Variants in CERK observed in about 807,000 individuals in gnomAD.
CERK encodes the protein ceramide kinase.
A neutral mutation model predicts 63.4 loss-of-function variants in CERK; 39 were observed. That is an observed-to-expected ratio of 0.61 (90% CI 0.48 to 0.80). CERK has a LOEUF of 0.80. Ranked by LOEUF, CERK falls within the 30% of genes least tolerant of loss-of-function variation. CERK has a pLI of 0.00. For synonymous variants in CERK, 302 were observed against 280.0 expected (o/e 1.08, Z -0.78); for missense variants, 670 against 714.1 (o/e 0.94, Z 0.70).
At chr22:46,711,705 G>A (rs2082841922) in intron 4 of CERK, among the ~76,000 whole-genome samples, 1 of 152,112 alleles carries the variant, frequency 6.6e-6, no homozygotes, top group African/African-American at 2.4e-5. Context: ...CTGAGAATTG[G>A]CTGGAAAATA....
At position 46,690,191 on chromosome 22, in the gene CERK, T is replaced by G. The variant is rs746502031; in HGVS notation, c.1342A>C (p.Thr448Pro). 2 of 1,613,566 alleles carry G rather than the reference T, an allele frequency of 1.2e-6. No homozygotes were observed. Among genetic ancestry groups the G allele is most frequent in the Admixed American group, 3.3e-5 (2 of 59,982 alleles). ...TTGACGCGATAAACTTCAACAAAAG[T>G]GAAGTCAAACTACCAAGAAACAGTG... ...HTNQQDQFDF[T>P]FVEVYRVKKF... Residue 448 changes from threonine (T) to proline (P), a missense_variant, in exon 12 of 13, where the codon ACT (threonine) becomes CCT (proline). Thr to Pro is a conservative substitution (Grantham distance 38). Coordinates refer to ENST00000216264, the MANE Select transcript of CERK (RefSeq NM_022766.6).
At chr22:46,730,335 T>C (rs1412286810) in intron 1 of CERK, among the ~76,000 whole-genome samples, 1 of 151,304 alleles carries the variant, frequency 6.6e-6, no homozygotes, top group Non-Finnish European at 1.5e-5. Flanking sequence ...GCACGAGAAC[T>C]GCTTGAACCC....
At chr22:46,691,071 A>ACG (rs2082729164) in intron 11 of CERK, among the ~76,000 whole-genome samples, 2 of 150,942 alleles carry the variant, frequency 1.3e-5, no homozygotes, top group African/African-American at 4.9e-5. Context: ...ACACACACAC[A>ACG]CACACACACA....
In CERK at chr22:46,686,540, C is replaced by T. The variant is rs2082702440; in HGVS notation, c.*594G>A. ...AGGCAGGTGTGGAGGCCCCAGCAGCCTTCCCGGCGCTGGCGTGGAGGCCCC... is the reference window on the plus strand; with the variant it reads ...AGGCAGGTGTGGAGGCCCCAGCAGCTTTCCCGGCGCTGGCGTGGAGGCCCC... On this transcript the variant is annotated 3_prime_UTR_variant, in exon 13 of 13. Coordinates refer to ENST00000216264, the MANE Select transcript of CERK (RefSeq NM_022766.6). 1 of 153,476 alleles carries T rather than the reference C, an allele frequency of 6.5e-6. No individual in the cohort carries two copies. Among genetic ancestry groups the T allele is most frequent in the Non-Finnish European group, 1.5e-5 (1 of 68,862 alleles). The allele number at this position is 153,476 out of a possible 1,614,324, so 9.5% of individuals were successfully genotyped here.
chr22:46,730,255 TAA>T (rs67082892), intron 1 of CERK, among the ~76,000 whole-genome samples: 171 of 128,400 alleles, frequency 1.3e-3, no homozygotes, highest in Middle Eastern at 4.3e-3. Flanking sequence ...CTGTCTCTAC[TAA>T]AAAAAAAAAA....
rs2082821188 is a variant in CERK, at chr22:46,707,894, G to A, written c.664C>T (p.Pro222Ser). The stretch of plus-strand genomic sequence containing the variant: ...CTACTGGGGACCAGCACAGCCCGGG[G>A]GTGGTTCTGGTCGACCCCGGCGCTC... Reference protein sequence around the residue: ...QRSAGVDQNHPRAVLVPSSLR... With the variant: ...QRSAGVDQNHSRAVLVPSSLR... Residue 222 changes from proline to serine, a missense_variant, in exon 6 of 13, where the codon CCC becomes TCC. Pro to Ser is a moderately conservative substitution (Grantham distance 74). Transcript: ENST00000216264. 1 of 1,613,904 alleles carries A rather than the reference G, an allele frequency of 6.2e-7. No individual in the cohort carries two copies. The highest frequency in any genetic ancestry group is 1.1e-5 in the South Asian group (1 of 91,076).
rs369313561 is a variant in CERK, at chr22:46,733,164, C to T, written c.142+4843G>A. ...CGGAGCTTGCAGTGAGCTGAGATCA[C>T]GCCACTGCACTCCAGCCCTGGGCGA... On this transcript the variant is annotated intron_variant, in intron 1 of 12. Coordinates refer to ENST00000216264, the MANE Select transcript of CERK (RefSeq NM_022766.6). Among the ~76,000 whole-genome samples the T allele has an allele frequency of 5.0e-4, 69 of 137,034 alleles. 1 individual carries two copies. The highest frequency in any genetic ancestry group is 4.2e-3 in the South Asian group (17 of 4,078). 89.9% of individuals were successfully genotyped at this position (137,034 alleles called of 152,430 possible). A position where few individuals can be genotyped will look rare whatever the true frequency, so the allele number is the denominator to read the frequency against.
intron 7 of CERK, 25 bp from the exon 8 acceptor site, chr22:46,699,490 G>T (rs370991965): frequency 3.3e-5 from 53 of 1,612,288 alleles, no homozygotes; most frequent in Non-Finnish European, 4.0e-5. Flanking sequence ...GGCCGTGAGG[G>T]AAGGCAGCCC....
intron 6 of CERK, among the ~76,000 whole-genome samples, chr22:46,705,900 G>A (rs1302919418): frequency 1.3e-5 from 2 of 152,130 alleles, no homozygotes; most frequent in Non-Finnish European, 2.9e-5. Context: ...GGCCGAGTGT[G>A]GTGGTGCACG....
chr22:46,693,757 A>C, intron 9 of CERK: 1 of 430,598 alleles, frequency 2.3e-6, no homozygotes, highest in South Asian at 2.2e-5. Context: ...CTGAGGTGCC[A>C]CCTGGAGACG....
At chr22:46,695,133 T>G (rs1194126650) in intron 9 of CERK, 77 bp downstream of exon 9, 9 of 792,772 alleles carry the variant, frequency 1.1e-5, no homozygotes, top group Non-Finnish European at 1.9e-5. Flanking sequence ...TGGAAAATAC[T>G]TCTGCATTCA....
chr22:46,693,438 A>G lies in CERK; in HGVS notation c.1115T>C (p.Leu372Ser), dbSNP rs1187600705. The G allele has an allele frequency of 6.2e-7, 1 of 1,614,150 alleles. No homozygotes were observed. The highest frequency in any genetic ancestry group is 8.5e-7 in the Non-Finnish European group (1 of 1,179,978). ...GTTTTAGGAATTACCCGCAGCTTCC[A>G]AACCATACAGTGCTTTCTTCTGCTC... is the stretch of plus-strand genomic sequence containing the variant. ...EEEQKKALYG[L>S]EAAEDVEEWQ... The change falls in exon 10 of 13, where the codon TTG becomes TCG. Residue 372 changes from leucine to serine, a missense_variant. Coordinates refer to ENST00000216264, the MANE Select transcript of CERK (RefSeq NM_022766.6).
At chr22:46,729,698 G>A (rs1030634683) in intron 1 of CERK, among the ~76,000 whole-genome samples, 9 of 152,040 alleles carry the variant, frequency 5.9e-5, no homozygotes, top group African/African-American at 1.9e-4. Flanking sequence ...ATCAAAAGAC[G>A]TCAAACCTGA....
At chr22:46,725,519 G>A (rs547480502) in intron 1 of CERK, among the ~76,000 whole-genome samples, 6 of 152,332 alleles carry the variant, frequency 3.9e-5, no homozygotes, top group East Asian at 3.9e-4. Context: ...CACAGCATCC[G>A]CGGGAGAAAA....
chr22:46,699,472 G>GA lies in CERK; in HGVS notation c.791-8dup. 2 of 1,613,938 alleles carry GA rather than the reference G, an allele frequency of 1.2e-6. No individual in the cohort carries two copies. Among genetic ancestry groups the GA allele is most frequent in the Non-Finnish European group, 1.7e-6 (2 of 1,179,892 alleles). On this transcript the variant is annotated splice_polypyrimidine_tract_variant and splice_region_variant and intron_variant, in intron 7 of 12. Coordinates refer to ENST00000216264, the MANE Select transcript of CERK (RefSeq NM_022766.6). ...TCCATGGCCAGCGAGTCCCCTGTGG[G>GA]AGAGAACGGCCGTGAGGGAAGGCAG...
At chr22:46,734,561 C>T (rs1219648592) in intron 1 of CERK, among the ~76,000 whole-genome samples, 2 of 152,144 alleles carry the variant, frequency 1.3e-5, no homozygotes, top group South Asian at 2.1e-4. Flanking sequence ...TGCTGCGATC[C>T]GGGTGATGTT....
chr22:46,693,320 G>A, intron 10 of CERK, 107 bp downstream of exon 10: 1 of 898,846 alleles, frequency 1.1e-6, no homozygotes, highest in Non-Finnish European at 1.8e-6. Context: ...ACAGGAAAAA[G>A]GAAAAGCACA....
chr22:46,726,878 G>A (rs887456042), intron 1 of CERK, among the ~76,000 whole-genome samples: 1 of 152,118 alleles, frequency 6.6e-6, no homozygotes, highest in Admixed American at 6.5e-5. Flanking sequence ...GGTCAGCCCT[G>A]AGCTGCGACT....
rs1016659093 is a variant in CERK, at chr22:46,691,729, T to C, written c.1175A>G (p.Asn392Ser). 1.1e-5 allele frequency: 18 copies of C among 1,613,178 alleles called. No individual in the cohort carries two copies. Among genetic ancestry groups the C allele is most frequent in the Non-Finnish European group, 1.5e-5 (18 of 1,179,414 alleles). The part of the protein sequence containing the change: ...QVVCGKFLAI[N>S]ATNMSCACRR... ...ACAAGCACAGGACATGTTTGTGGCA[T>C]TGATGGCCAGAAACTTCCCACAGAC... The change falls in exon 11 of 13, where the codon AAT becomes AGT. Residue 392 changes from asparagine to serine, a missense_variant. Physicochemically the swap from Asn to Ser is conservative, Grantham distance 46. Transcript: ENST00000216264.
Sources: allele counts gnomAD v4.1 joint callset (sites outside exome capture counted in the v4.1 genomes callset), GRCh38; gene constraint gnomAD v4.1.1; transcripts MANE v1.5; gene names NCBI Gene and HGNC (gene_info 2026-07-23, HGNC 2026-07-21).